Variants in CARM1 observed in about 807,000 individuals in gnomAD.
CARM1 encodes coactivator associated arginine methyltransferase 1.
CARM1 carries 14 observed loss-of-function variants against 72.7 expected under a neutral mutation model. The observed-to-expected ratio is 0.19, with a 90% CI of 0.13 to 0.30. The LOEUF is 0.30. CARM1 is among the 10% of genes least tolerant of loss of function. The pLI is 1.00. For synonymous variants in CARM1, 333 were observed against 345.5 expected (o/e 0.96, Z 0.40); for missense variants, 432 against 833.7 (o/e 0.52, Z 5.93).
intron 1 of CARM1, among the ~76,000 whole-genome samples, chr19:10,890,165 TTGCTTGAGCCCAGG>T (rs1428419135): frequency 6.6e-6 from 1 of 152,066 alleles, no homozygotes; most frequent in Non-Finnish European, 1.5e-5. Flanking sequence ...GGCAGGTGGA[TTGCTTGAGCCCAGG>T]AGTTTGAGAC....
At chr19:10,902,183 T>A (rs2074071105) in intron 1 of CARM1, among the ~76,000 whole-genome samples, 1 of 151,664 alleles carries the variant, frequency 6.6e-6, no homozygotes, top group Non-Finnish European at 1.5e-5. Flanking sequence ...GAGGCAGAGG[T>A]CACAGCAAGC....
rs569055436 is a variant in CARM1 at position 10,916,626 on chromosome 19, G to A, written c.939-70G>A. ...GGCTAGATGAGGGCTGACTGGGAGAGAAGGCAGGGCTACCCCACCTGCCTC... is the reference window on the plus strand; with the variant it reads ...GGCTAGATGAGGGCTGACTGGGAGAAAAGGCAGGGCTACCCCACCTGCCTC... On this transcript the variant is annotated intron_variant, in intron 7 of 15. Coordinates refer to ENST00000327064, the MANE Select transcript of CARM1 (RefSeq NM_199141.2). This position sits in a 1 kb window ranked among gnomAD's most constrained non-coding sequence, Gnocchi z 4.4. The A allele has an allele frequency of 5.6e-4, 793 of 1,426,052 alleles. 3 individuals are homozygous for A. The African/African-American group carries it at 0.01, about 18-fold the overall frequency. 88.3% of individuals were successfully genotyped at this position (1,426,052 alleles called of 1,614,324 possible). A position where few individuals can be genotyped will look rare whatever the true frequency, so the allele number is the denominator to read the frequency against.
In CARM1 at chr19:10,920,366, A is replaced by G. The variant is rs560436877; in HGVS notation, c.1197-70A>G. The G allele has an allele frequency of 7.8e-6, 12 of 1,546,900 alleles. No individual in the cohort carries two copies. In the African/African-American group the frequency reaches 1.4e-4, roughly 18 times the overall value. On this transcript the variant is annotated intron_variant, in intron 10 of 15. Transcript: ENST00000327064. The surrounding 1 kb of genome is among the most constrained non-coding windows in gnomAD (Gnocchi z 5.3). ...GGGGCAGGTGCTTGGGGAGGACTCA[A>G]GGCATACAAGGTGGTGGCTCCAGTG...
chr19:10,916,462 G>C lies in CARM1; in HGVS notation c.903G>C (p.Gln301His). ...DVHLAPFTDE[Q>H]LYMEQFTKAN... is the part of the protein sequence containing the mutation. ...ACCTTGCACCCTTCACGGATGAACA[G>C]CTCTACATGGAGCAGTTCACCAAGG... The change falls in exon 7 of 16, where the codon CAG becomes CAC. Residue 301 changes from glutamine to histidine, a missense_variant. Gln to His is a conservative substitution (Grantham distance 24). This residue lies in a region of CARM1 where 152 missense variants were observed against 452.8 expected (regional missense o/e 0.34). Coordinates refer to ENST00000327064, the MANE Select transcript of CARM1 (RefSeq NM_199141.2). The surrounding 1 kb of genome is among the most constrained non-coding windows in gnomAD (Gnocchi z 4.4). 6.2e-7 allele frequency: 1 copy of C among 1,613,868 alleles called. No individual in the cohort carries two copies. The highest frequency in any genetic ancestry group is 8.5e-7 in the Non-Finnish European group (1 of 1,179,864).
intron 6 of CARM1, among the ~76,000 whole-genome samples, chr19:10,914,525 G>T (rs912925885): frequency 1.3e-5 from 2 of 152,178 alleles, no homozygotes; most frequent in Admixed American, 6.5e-5. Context: ...CTTCCCATCC[G>T]TGCCTCTGGG....
intron 1 of CARM1, among the ~76,000 whole-genome samples, chr19:10,890,873 G>T (rs1008171520): frequency 6.8e-6 from 1 of 146,900 alleles, no homozygotes; most frequent in Non-Finnish European, 1.5e-5. Flanking sequence ...AGGCGGAGGT[G>T]GGAGGATTGC....
rs1168685115 is a variant in CARM1, at chr19:10,920,143, T to C, written c.1196+177T>C. ...GGTGGGGTGTGTGTGTGTGTGTGTG[T>C]ATGTGTGTGTGTGTCCTGTGTTCCC... On this transcript the variant is annotated intron_variant, in intron 10 of 15. Transcript: ENST00000327064. This position sits in a 1 kb window ranked among gnomAD's most constrained non-coding sequence, Gnocchi z 5.3. 6.9e-6 allele frequency among the ~76,000 whole-genome samples: 1 copy of C among 145,922 alleles called. No individual in the cohort carries two copies. The highest frequency in any genetic ancestry group is 1.5e-5 in the Non-Finnish European group (1 of 66,004).
Position 10,916,344 on chromosome 19 carries a change from G to T in CARM1, c.848-63G>T. On this transcript the variant is annotated intron_variant, in intron 6 of 15. Transcript: ENST00000327064. This position sits in a 1 kb window ranked among gnomAD's most constrained non-coding sequence, Gnocchi z 4.4. Reference sequence around the variant, plus strand: ...TTGGGGGTCTTGGGGTCCTTTGGAAGCTCTGCCAGGCAGTGTGGGATGTGT... The same window carrying T: ...TTGGGGGTCTTGGGGTCCTTTGGAATCTCTGCCAGGCAGTGTGGGATGTGT... 1 of 1,147,464 alleles carries T rather than the reference G, an allele frequency of 8.7e-7. No individual in the cohort carries two copies. The allele number at this position is 1,147,464 out of a possible 1,614,324, so 71.1% of individuals were successfully genotyped here.
At chr19:10,880,726 A>G (rs575335297) in intron 1 of CARM1, among the ~76,000 whole-genome samples, 1 of 152,144 alleles carries the variant, frequency 6.6e-6, no homozygotes, top group South Asian at 2.1e-4. Flanking sequence ...TCACAATTGG[A>G]CACAGTTTTG....
At chr19:10,919,324 A>C in intron 8 of CARM1, 1 of 418,276 alleles carries the variant, frequency 2.4e-6, no homozygotes. Context: ...TATACATGTA[A>C]GTTTGTTGAT....
chr19:10,912,100 A>G lies in CARM1; in HGVS notation c.559-84A>G. The G allele has an allele frequency of 1.1e-6, 1 of 950,736 alleles. No homozygotes were observed. The highest frequency in any genetic ancestry group is 1.7e-6 in the Non-Finnish European group (1 of 574,794). 58.9% of individuals were successfully genotyped at this position (950,736 alleles called of 1,614,324 possible). ...TGAGAGTGAAGACAGACGCCTCATG[A>G]TGTGCACATCCCTTATGATCACTGT... On this transcript the variant is annotated intron_variant, in intron 4 of 15. Transcript: ENST00000327064. This position sits in a 1 kb window ranked among gnomAD's most constrained non-coding sequence, Gnocchi z 4.5.
At chr19:10,894,747 T>C (rs1298055731) in intron 1 of CARM1, among the ~76,000 whole-genome samples, 5 of 151,166 alleles carry the variant, frequency 3.3e-5, no homozygotes, top group Admixed American at 6.6e-5. Context: ...CTCTCTTTTT[T>C]TTTTTCTTCT....
Position 10,896,613 on chromosome 19 carries a change from C to T in CARM1, c.221-8338C>T, listed in dbSNP as rs2074025874. ...CACAGCGCCCCTACCCACATCAACC[C>T]ACGTTTCTTGGAGGTCTGTCCCAGT... On this transcript the variant is annotated intron_variant, in intron 1 of 15. Transcript: ENST00000327064. This position sits in a 1 kb window ranked among gnomAD's most constrained non-coding sequence, Gnocchi z 5.2. 6.6e-6 allele frequency among the ~76,000 whole-genome samples: 1 copy of T among 152,184 alleles called. No individual in the cohort carries two copies. The highest frequency in any genetic ancestry group is 2.4e-5 in the African/African-American group (1 of 41,424).
In CARM1 at chr19:10,920,445, G is replaced by C; in HGVS notation, c.1206G>C (p.Val402=). Residue 402 remains valine, a synonymous_variant, in exon 11 of 16, where the codon GTG becomes GTC. Transcript: ENST00000327064. The surrounding 1 kb of genome is among the most constrained non-coding windows in gnomAD (Gnocchi z 5.3). ...DVAFIGSIMT[V]WLSTAPTEPL... is the part of the protein sequence containing the mutation. ...TGTCCCTGCTCCACAGAATGACCGT[G>C]TGGCTGTCCACAGCCCCGACAGAGC... is the stretch of plus-strand genomic sequence containing the variant. 1 of 1,611,444 alleles carries C rather than the reference G, an allele frequency of 6.2e-7. No homozygotes were observed. The highest frequency in any genetic ancestry group is 8.5e-7 in the Non-Finnish European group (1 of 1,177,990).
At chr19:10,894,027 G>A (rs936200653) in intron 1 of CARM1, among the ~76,000 whole-genome samples, 1 of 152,214 alleles carries the variant, frequency 6.6e-6, no homozygotes, top group African/African-American at 2.4e-5. Context: ...ACAGGAATGG[G>A]GGGAAGCTTC....
chr19:10,920,786 G>GGCCCTGCAACCCCCTTGCCCCT lies in CARM1; in HGVS notation c.1424+43_1425-22dup. On this transcript the variant is annotated intron_variant, in intron 12 of 15. Coordinates refer to ENST00000327064, the MANE Select transcript of CARM1 (RefSeq NM_199141.2). This position sits in a 1 kb window ranked among gnomAD's most constrained non-coding sequence, Gnocchi z 5.3. ...CCTTGCCTGCACAGGGGGGCGCCCC[G>GGCCCTGCAACCCCCTTGCCCCT]GCCCTGCAACCCCCTTGCCCCTGCC... The GGCCCTGCAACCCCCTTGCCCCT allele has an allele frequency of 6.2e-7, 1 of 1,613,520 alleles. No homozygotes were observed. Among genetic ancestry groups the GGCCCTGCAACCCCCTTGCCCCT allele is most frequent in the Non-Finnish European group, 8.5e-7 (1 of 1,179,476 alleles).
chr19:10,901,299 GTTTGTT>G (rs947402662), intron 1 of CARM1, among the ~76,000 whole-genome samples: 2 of 150,394 alleles, frequency 1.3e-5, no homozygotes, highest in African/African-American at 2.4e-5. Flanking sequence ...TTGTTTGTTT[GTTTGTT>G]TTTGTTTTTG....
intron 8 of CARM1, 158 bp from the exon 9 acceptor site, chr19:10,919,437 T>C: frequency 1.6e-6 from 1 of 611,718 alleles, no homozygotes. Flanking sequence ...TCGGTGGCGT[T>C]GTGCCGGTCC....
intron 14 of CARM1, 101 bp downstream of exon 14, chr19:10,921,228 C>T: frequency 6.9e-7 from 1 of 1,442,014 alleles, no homozygotes; most frequent in Non-Finnish European, 9.7e-7. Flanking sequence ...CTGCTTGGTC[C>T]TTTCACCTTT....
Sources: gnomAD v4.1 joint callset for allele counts (sites outside exome capture counted in the v4.1 genomes callset) on GRCh38, gnomAD v4.1.1 for gene constraint, gnomAD v4.1.1 regional missense constraint, Gnocchi (gnomAD v3.1) non-coding constraint, MANE v1.5 for transcripts, NCBI Gene and HGNC (gene_info 2026-07-23, HGNC 2026-07-21) for gene names.